The following YWHAG variants were observed in gnomAD, a reference collection of about 807,000 sequenced individuals.
YWHAG encodes 14-3-3 protein gamma.
In YWHAG, 1 loss-of-function variant was observed where a neutral mutation model predicts 23.3. The ratio of observed to expected loss-of-function variants is 0.04; its 90% CI spans 0.02 to 0.20. The LOEUF (loss-of-function observed/expected upper bound fraction) is 0.20, where lower values mean the gene tolerates loss of function less well. Ranked by LOEUF, YWHAG falls within the 10% of genes least tolerant of loss-of-function variation. The probability of loss-of-function intolerance (pLI) is 1.00; values close to 1 mark genes in which losing one functional copy is unlikely to be tolerated. For missense variants in YWHAG, 151 were observed against 338.6 expected (o/e 0.45, Z 4.35); for synonymous variants, 160 against 144.0 (o/e 1.11, Z -0.80).
chr7:76,346,701 C>G (rs1396596060), intron 1 of YWHAG, among the ~76,000 whole-genome samples: 5 of 152,120 alleles, frequency 3.3e-5, no homozygotes, highest in Non-Finnish European at 7.4e-5. Context: ...TGACAATCTA[C>G]TCCTCAGCCT....
rs1804007232 is a variant in YWHAG, at chr7:76,358,911, A to T, written c.-103T>A. ...CCCAAGTGCCGGAGAGGACCGACCC[A>T]CAGAGCGAGCAGCTGAGGCGGCGGC... On this transcript the variant is annotated 5_prime_UTR_variant, in exon 1 of 2. Coordinates refer to ENST00000307630, the MANE Select transcript of YWHAG (RefSeq NM_012479.4). 20 of 1,129,866 alleles carry T rather than the reference A, an allele frequency of 1.8e-5. No homozygotes were observed. The highest frequency in any genetic ancestry group is 2.3e-5 in the Non-Finnish European group (19 of 834,758). The allele number at this position is 1,129,866 out of a possible 1,614,324, so 70.0% of individuals were successfully genotyped here. A position where few individuals can be genotyped will look rare whatever the true frequency, so the allele number is the denominator to read the frequency against.
intron 1 of YWHAG, among the ~76,000 whole-genome samples, chr7:76,331,874 G>A (rs1803547460): frequency 6.6e-6 from 1 of 151,986 alleles, no homozygotes; most frequent in African/African-American, 2.4e-5. Flanking sequence ...ATTATAAACG[G>A]GGGGTATGCT....
Position 76,329,550 on chromosome 7 carries a change from G to C in YWHAG, c.*27C>G. 2 of 1,352,652 alleles carry C rather than the reference G, an allele frequency of 1.5e-6. No homozygotes were observed. The highest frequency in any genetic ancestry group is 1.5e-5 in the African/African-American group (1 of 66,378). The allele number at this position is 1,352,652 out of a possible 1,614,324, so 83.8% of individuals were successfully genotyped here. Reference sequence around the variant, plus strand: ...AATAAAGACTGCAGTAGTAGCATCCGCGTGCGCTGCCAGTTCCCCTGGGGC... The same window carrying C: ...AATAAAGACTGCAGTAGTAGCATCCCCGTGCGCTGCCAGTTCCCCTGGGGC... On this transcript the variant is annotated 3_prime_UTR_variant, in exon 2 of 2. Coordinates refer to ENST00000307630, the MANE Select transcript of YWHAG (RefSeq NM_012479.4). The surrounding 1 kb of genome is among the most constrained non-coding windows in gnomAD (Gnocchi z 6.1).
chr7:76,330,334 TG>T (rs1477007609), intron 1 of YWHAG, 101 bp from the exon 2 acceptor site: 9 of 1,254,410 alleles, frequency 7.2e-6, no homozygotes, highest in Non-Finnish European at 8.7e-6. Flanking sequence ...AGTAACATGA[TG>T]AACAGAAGGA....
chr7:76,340,188 A>C (rs1172374521), intron 1 of YWHAG, among the ~76,000 whole-genome samples: 1 of 152,234 alleles, frequency 6.6e-6, no homozygotes, highest in Non-Finnish European at 1.5e-5. Context: ...ACATTGTGCA[A>C]GGGGCAACTG....
At position 76,358,924 on chromosome 7, in the gene YWHAG, C is replaced by G. The variant is rs1374121200; in HGVS notation, c.-116G>C. On this transcript the variant is annotated 5_prime_UTR_variant, in exon 1 of 2. Transcript: ENST00000307630. ...GAGGACCGACCCACAGAGCGAGCAG[C>G]TGAGGCGGCGGCTGCGCGGAGGAGG... The G allele has an allele frequency of 3.0e-6, 3 of 989,972 alleles. No homozygotes were observed. Among genetic ancestry groups the G allele is most frequent in the Non-Finnish European group, 4.1e-6 (3 of 727,652 alleles). The allele number at this position is 989,972 out of a possible 1,614,324, so 61.3% of individuals were successfully genotyped here. A position where few individuals can be genotyped will look rare whatever the true frequency, so the allele number is the denominator to read the frequency against.
intron 1 of YWHAG, among the ~76,000 whole-genome samples, chr7:76,353,393 T>C (rs1170077282): frequency 6.6e-6 from 1 of 152,120 alleles, no homozygotes; most frequent in Admixed American, 6.5e-5. Flanking sequence ...TTTGTATTTT[T>C]AGTAGAGACA....
chr7:76,334,874 C>T (rs1159734459), intron 1 of YWHAG, among the ~76,000 whole-genome samples: 2 of 152,178 alleles, frequency 1.3e-5, no homozygotes, highest in African/African-American at 2.4e-5. Flanking sequence ...TCCCATCACA[C>T]CCTGGTTAAT....
At position 76,355,676 on chromosome 7, in the gene YWHAG, A is replaced by T. The variant is rs186618447; in HGVS notation, c.87+3046T>A. On this transcript the variant is annotated intron_variant, in intron 1 of 1. Coordinates refer to ENST00000307630, the MANE Select transcript of YWHAG (RefSeq NM_012479.4). Reference sequence around the variant, plus strand: ...GAATATTTAAGATAGAAAGAATTTGAAAGTCTATTGATCCCACTAGGAATA... The same window carrying T: ...GAATATTTAAGATAGAAAGAATTTGTAAGTCTATTGATCCCACTAGGAATA... 1.3e-3 allele frequency among the ~76,000 whole-genome samples: 195 copies of T among 152,286 alleles called. 2 individuals carry two copies. Among genetic ancestry groups the T allele is most frequent in the Non-Finnish European group, 1.9e-3 (131 of 68,024 alleles).
At chr7:76,339,148 CTG>C (rs1244889563) in intron 1 of YWHAG, among the ~76,000 whole-genome samples, 1 of 152,236 alleles carries the variant, frequency 6.6e-6, no homozygotes, top group East Asian at 1.9e-4. Flanking sequence ...TCTTTGCTTT[CTG>C]TGTGTTTTAA....
intron 1 of YWHAG, among the ~76,000 whole-genome samples, chr7:76,356,731 G>A (rs994028838): frequency 1.3e-5 from 2 of 152,106 alleles, no homozygotes; most frequent in East Asian, 3.8e-4. Flanking sequence ...ATATAAAAAA[G>A]CATCTTATAA....
At chr7:76,334,141 GA>G (rs1803584328) in intron 1 of YWHAG, among the ~76,000 whole-genome samples, 1 of 152,146 alleles carries the variant, frequency 6.6e-6, no homozygotes, top group Admixed American at 6.5e-5. Flanking sequence ...AAAGTCTAAA[GA>G]AAAGTTGTTC....
rs1350146798 is a variant in YWHAG, at chr7:76,328,019, AAAAC to A, written c.*1554_*1557del. 7 of 152,138 alleles carry A rather than the reference AAAAC, an allele frequency of 4.6e-5. No homozygotes were observed. The highest frequency in any genetic ancestry group is 4.6e-4 in the Admixed American group (7 of 15,256). 9.4% of individuals were successfully genotyped at this position (152,138 alleles called of 1,614,324 possible). A position where few individuals can be genotyped will look rare whatever the true frequency, so the allele number is the denominator to read the frequency against. ...TACTCACACCTCTTCTTGCCTAAAT[AAAAC>A]AAAGAAACAAAGAAAACAAGTGTGG... On this transcript the variant is annotated 3_prime_UTR_variant, in exon 2 of 2. Coordinates refer to ENST00000307630, the MANE Select transcript of YWHAG (RefSeq NM_012479.4).
chr7:76,328,356 T>A lies in YWHAG; in HGVS notation c.*1221A>T, dbSNP rs1261020049. 1.3e-5 allele frequency: 2 copies of A among 152,346 alleles called. No individual in the cohort carries two copies. The highest frequency in any genetic ancestry group is 2.1e-4 in the South Asian group (1 of 4,832). 9.4% of individuals were successfully genotyped at this position (152,346 alleles called of 1,614,324 possible). A position where few individuals can be genotyped will look rare whatever the true frequency, so the allele number is the denominator to read the frequency against. On this transcript the variant is annotated 3_prime_UTR_variant, in exon 2 of 2. Transcript: ENST00000307630. ...GTTTGTTATCTGGTAACAGTTTTTT[T>A]ATCTTCCTACAATTACTTGGGGAAG... is the stretch of plus-strand genomic sequence containing the variant.
At chr7:76,345,148 T>C (rs149652192) in intron 1 of YWHAG, among the ~76,000 whole-genome samples, 238 of 151,220 alleles carry the variant, frequency 1.6e-3, no homozygotes, top group African/African-American at 5.4e-3. Flanking sequence ...CTCTTCTTCA[T>C]AGAGGAACGT....
In YWHAG at chr7:76,329,304, T is replaced by G. The variant is rs1803504302; in HGVS notation, c.*273A>C. 1 of 409,970 alleles carries G rather than the reference T, an allele frequency of 2.4e-6. No homozygotes were observed. Among genetic ancestry groups the G allele is most frequent in the Non-Finnish European group, 4.3e-6 (1 of 230,192 alleles). The allele number at this position is 409,970 out of a possible 1,614,324, so 25.4% of individuals were successfully genotyped here. A position where few individuals can be genotyped will look rare whatever the true frequency, so the allele number is the denominator to read the frequency against. On this transcript the variant is annotated 3_prime_UTR_variant, in exon 2 of 2. Transcript: ENST00000307630. The surrounding 1 kb of genome is among the most constrained non-coding windows in gnomAD (Gnocchi z 6.1). ...CCTATTATCTAGCAATAAGTTAAAT[T>G]AGAGACAGACAGCTCCACTTGCATG...
chr7:76,351,076 C>T (rs1803865298), intron 1 of YWHAG, among the ~76,000 whole-genome samples: 1 of 152,104 alleles, frequency 6.6e-6, no homozygotes, highest in East Asian at 1.9e-4. Flanking sequence ...AGAATATAAA[C>T]TGTAGAAAAA....
chr7:76,358,175 C>T (rs943028321), intron 1 of YWHAG, among the ~76,000 whole-genome samples: 2 of 152,106 alleles, frequency 1.3e-5, no homozygotes, highest in Non-Finnish European at 2.9e-5. Context: ...TCAAGAGACC[C>T]TATACAATGT....
intron 1 of YWHAG, among the ~76,000 whole-genome samples, chr7:76,340,003 T>G (rs1314460679): frequency 6.6e-6 from 1 of 151,924 alleles, no homozygotes; most frequent in Non-Finnish European, 1.5e-5. Flanking sequence ...ACAGGAGAAT[T>G]GCTTGAACCT....
Sources: gnomAD v4.1 joint callset for allele counts (sites outside exome capture counted in the v4.1 genomes callset) on GRCh38, gnomAD v4.1.1 for gene constraint, Gnocchi (gnomAD v3.1) non-coding constraint, MANE v1.5 for transcripts, NCBI Gene and HGNC (gene_info 2026-07-23, HGNC 2026-07-21) for gene names.